Variants in G6PC1 observed in about 807,000 individuals in gnomAD.
G6PC1 encodes G-6-Pase.
Under a neutral mutation model 30.4 loss-of-function variants are expected in G6PC1, and 23 were observed. That is an observed-to-expected ratio of 0.76 (90% confidence interval 0.55 to 1.07). G6PC1 has a LOEUF of 1.07. G6PC1 is among the 50% of genes least tolerant of loss of function. The pLI is 0.00. For synonymous variants in G6PC1, 163 were observed against 175.6 expected, an observed-to-expected ratio of 0.93 and a Z score of 0.57; for missense variants, 391 against 433.9, an observed-to-expected ratio of 0.90 and a Z score of 0.88.
At chr17:42,904,328 G>T in intron 2 of G6PC1, 1 of 415,804 alleles carries the variant, frequency 2.4e-6, no homozygotes. Flanking sequence ...GAAAGGAGGG[G>T]GCAGAAGCCT....
intron 4 of G6PC1, 76 bp downstream of exon 4, chr17:42,909,494 A>T: frequency 9.5e-7 from 1 of 1,053,646 alleles, no homozygotes; most frequent in Non-Finnish European, 1.5e-6. Flanking sequence ...ACAAAATCCC[A>T]GCATTCCAGC....
chr17:42,904,363 G>A (rs933047707), intron 2 of G6PC1: 4 of 384,686 alleles, frequency 1.0e-5, no homozygotes, highest in Middle Eastern at 8.9e-4. Flanking sequence ...CCTTCCCAAT[G>A]GCCTGGCCCA....
At chr17:42,909,924 G>C (rs1437255128) in intron 4 of G6PC1, among the ~76,000 whole-genome samples, 1 of 150,268 alleles carries the variant, frequency 6.7e-6, no homozygotes, top group Non-Finnish European at 1.5e-5. Context: ...GTGCAGTGGT[G>C]CGATCTCGGC....
At position 42,909,368 on chromosome 17, in the gene G6PC1, T is replaced by A; in HGVS notation, c.512T>A (p.Ile171Asn). ...CAGCTGAATGTCTGTCTGTCACGAA[T>A]CTACCTTGCTGCTCATTTTCCTCAT... ...AVQLNVCLSR[I>N]YLAAHFPHQV... Residue 171 changes from isoleucine (I) to asparagine (N), a missense_variant, in exon 4 of 5, where the codon ATC becomes AAC. By Grantham distance (149) the Ile-to-Asn change is moderately radical. Transcript: ENST00000253801. 4 of 1,614,166 alleles carry A rather than the reference T, an allele frequency of 2.5e-6. No homozygotes were observed. The highest frequency in any genetic ancestry group is 3.4e-6 in the Non-Finnish European group (4 of 1,180,022).
intron 4 of G6PC1, among the ~76,000 whole-genome samples, chr17:42,910,338 G>T (rs1001085140): frequency 6.6e-6 from 1 of 152,274 alleles, no homozygotes; most frequent in East Asian, 1.9e-4. Context: ...GGGAGATAAT[G>T]GTTTCATGGT....
chr17:42,905,284 G>A (rs2056052089), intron 2 of G6PC1, among the ~76,000 whole-genome samples: 1 of 151,114 alleles, frequency 6.6e-6, no homozygotes, highest in African/African-American at 2.4e-5. Flanking sequence ...AATTAGCTGG[G>A]TGTCCTGGTG....
intron 4 of G6PC1, among the ~76,000 whole-genome samples, 176 bp from the exon 5 acceptor site, chr17:42,910,739 T>C (rs2056089717): frequency 6.6e-6 from 1 of 152,294 alleles, no homozygotes; most frequent in Non-Finnish European, 1.5e-5. Context: ...AGAGTCTATA[T>C]TGAGGGCAGG....
At position 42,905,429 on chromosome 17, in the gene G6PC1, AAT is replaced by A. The variant is rs1555559451; in HGVS notation, c.340+1403_340+1404del. On this transcript the variant is annotated intron_variant, in intron 2 of 4. Transcript: ENST00000253801. ...AGACACCATCTGAAAAAAAAAAAAAAATATATATATATATACACACACACACA... is the reference window on the plus strand; with the variant it reads ...AGACACCATCTGAAAAAAAAAAAAAAATATATATATATACACACACACACA... Among the ~76,000 whole-genome samples, 1,023 of 120,788 alleles carry A rather than the reference AAT, an allele frequency of 8.5e-3. 10 individuals carry two copies. Among genetic ancestry groups the A allele is most frequent in the Middle Eastern group, 0.027 (6 of 224 alleles). The allele number at this position is 120,788 out of a possible 152,430, so 79.2% of individuals were successfully genotyped here.
At position 42,911,588 on chromosome 17, in the gene G6PC1, T is replaced by C; in HGVS notation, c.*162T>C. On this transcript the variant is annotated 3_prime_UTR_variant, in exon 5 of 5. Coordinates refer to ENST00000253801, the MANE Select transcript of G6PC1 (RefSeq NM_000151.4). ...ATGGCAGATTGGAGGGTCGCCTGGC[T>C]TATTCCCATGTGTGACTCCAGCCTG... The C allele has an allele frequency of 9.5e-7, 1 of 1,048,494 alleles. No individual in the cohort carries two copies. The highest frequency in any genetic ancestry group is 1.4e-6 in the Non-Finnish European group (1 of 711,778). The allele number at this position is 1,048,494 out of a possible 1,614,324, so 64.9% of individuals were successfully genotyped here.
intron 1 of G6PC1, 124 bp downstream of exon 1, chr17:42,901,230 A>C: frequency 2.4e-6 from 2 of 817,416 alleles, no homozygotes; most frequent in South Asian, 2.8e-5. Flanking sequence ...CATGCTTCCA[A>C]CCCCTCTCTC....
rs1460275955 is a variant in G6PC1, at chr17:42,903,945, A to C, written c.245A>C (p.Gln82Pro). Reference protein sequence around the residue: ...NLVFKWILFGQRPYWWVLDTD... With the variant: ...NLVFKWILFGPRPYWWVLDTD... ...TTTTTCCATAGGATTCTCTTTGGAC[A>C]GCGTCCATACTGGTGGGTTTTGGAT... The change falls in exon 2 of 5, where the codon CAG becomes CCG. Residue 82 changes from glutamine to proline, a missense_variant. Gln to Pro is a moderately conservative substitution (Grantham distance 76, BLOSUM62 -1). Transcript: ENST00000253801. 6.2e-7 allele frequency: 1 copy of C among 1,612,406 alleles called. No homozygotes were observed. Among genetic ancestry groups the C allele is most frequent in the South Asian group, 1.1e-5 (1 of 91,058 alleles).
intron 2 of G6PC1, 61 bp from the exon 3 acceptor site, chr17:42,907,462 T>G: frequency 8.7e-7 from 1 of 1,151,256 alleles, no homozygotes; most frequent in East Asian, 2.4e-5. Flanking sequence ...GGGTAGATGA[T>G]GCACTGTCTC....
intron 3 of G6PC1, among the ~76,000 whole-genome samples, chr17:42,908,347 A>G (rs7225801): frequency 0.021 from 3,121 of 150,818 alleles, 121 homozygotes; most frequent in African/African-American, 0.069. Context: ...CTTAATTATC[A>G]AACAGATAAA....
rs1597988331 is a variant in G6PC1 at position 42,904,023 on chromosome 17, C to T, written c.323C>T (p.Thr108Ile). 1 of 1,613,386 alleles carries T rather than the reference C, an allele frequency of 6.2e-7. No individual in the cohort carries two copies. Among genetic ancestry groups the T allele is most frequent in the Non-Finnish European group, 8.5e-7 (1 of 1,179,350 alleles). Residue 108 changes from threonine to isoleucine, a missense_variant, in exon 2 of 5, where the codon ACC becomes ATC. Physicochemically the swap from Thr to Ile is moderately conservative, Grantham distance 89. Transcript: ENST00000253801. ...CCCCTGATAAAGCAGTTCCCTGTAA[C>T]CTGTGAGACTGGACCAGGTAAGCGT... is the stretch of plus-strand genomic sequence containing the variant. ...SVPLIKQFPV[T>I]CETGPGSPSG...
rs981970081 is a variant in G6PC1 at position 42,911,929 on chromosome 17, T to G, written c.*503T>G. On this transcript the variant is annotated 3_prime_UTR_variant, in exon 5 of 5. Coordinates refer to ENST00000253801, the MANE Select transcript of G6PC1 (RefSeq NM_000151.4). ...GGATTTTCCCCTGAAGACTTACTTA[T>G]TCTTCCGTCACATATACAAAAGCAA... 1 of 166,354 alleles carries G rather than the reference T, an allele frequency of 6.0e-6. No individual in the cohort carries two copies. The highest frequency in any genetic ancestry group is 2.4e-5 in the African/African-American group (1 of 41,626). The allele number at this position is 166,354 out of a possible 1,614,324, so 10.3% of individuals were successfully genotyped here.
rs147644596 is a variant in G6PC1, at chr17:42,901,483, C to T, written c.230+377C>T. The stretch of plus-strand genomic sequence containing the variant: ...CTGTAATCCCAGCACTTTGGGAGGC[C>T]GAGGTGGGCGAATCACTCCTGGGTG... On this transcript the variant is annotated intron_variant, in intron 1 of 4. Transcript: ENST00000253801. Among the ~76,000 whole-genome samples, 273 of 152,004 alleles carry T rather than the reference C, an allele frequency of 1.8e-3. 1 individual carries two copies. Among genetic ancestry groups the T allele is most frequent in the Non-Finnish European group, 1.6e-3 (109 of 67,958 alleles).
intron 3 of G6PC1, among the ~76,000 whole-genome samples, chr17:42,908,139 TC>T (rs2056073255): frequency 6.6e-6 from 1 of 152,094 alleles, no homozygotes; most frequent in South Asian, 2.1e-4. Context: ...CAAGCGATCC[TC>T]CCACCTCAGC....
intron 1 of G6PC1, among the ~76,000 whole-genome samples, chr17:42,902,200 A>G (rs2056030294): frequency 6.6e-6 from 1 of 152,284 alleles, no homozygotes; most frequent in Non-Finnish European, 1.5e-5. Context: ...AGCATTTGCC[A>G]ATTTCTATCA....
Position 42,911,364 on chromosome 17 carries a change from G to A in G6PC1, c.1012G>A (p.Val338Ile), listed in dbSNP as rs367727229. 77 of 1,614,048 alleles carry A rather than the reference G, an allele frequency of 4.8e-5. 1 individual carries two copies. Among genetic ancestry groups the A allele is most frequent in the South Asian group, 2.4e-4 (22 of 91,088 alleles). The change falls in exon 5 of 5, where the codon GTC (valine) becomes ATC (isoleucine). Residue 338 changes from valine (V) to isoleucine (I), a missense_variant. Val to Ile is a conservative substitution (Grantham distance 29). Coordinates refer to ENST00000253801, the MANE Select transcript of G6PC1 (RefSeq NM_000151.4). ...CKSAVVPLAS[V>I]SVIPYCLAQV... is the part of the protein sequence containing the mutation. ...GAGTGCGGTAGTGCCCCTGGCATCC[G>A]TCAGTGTCATCCCCTACTGCCTCGC...
Sources: allele counts gnomAD v4.1 joint callset (sites outside exome capture counted in the v4.1 genomes callset), GRCh38; gene constraint gnomAD v4.1.1; transcripts MANE v1.5; gene names NCBI Gene and HGNC (gene_info 2026-07-23, HGNC 2026-07-21).